Variants in BASP1 observed in about 807,000 individuals in gnomAD.
The protein encoded by BASP1 is brain acid soluble protein 1.
BASP1 carries 1 observed loss-of-function variant against 2.2 expected under a neutral mutation model. The ratio of observed to expected loss-of-function variants is 0.46; its 90% CI spans 0.16 to 2.17. The LOEUF (loss-of-function observed/expected upper bound fraction) is 2.17, where lower values mean the gene tolerates loss of function less well. BASP1 is among the 30% of genes most tolerant of loss of function. The probability of loss-of-function intolerance (pLI) is 0.27; values close to 1 mark genes in which losing one functional copy is unlikely to be tolerated. For synonymous variants in BASP1, 187 were observed against 154.2 expected (o/e 1.21, Z -1.58); for missense variants, 352 against 327.2 (o/e 1.08, Z -0.58).
At chr5:17,256,893 A>C (rs914062209) in intron 1 of BASP1, among the ~76,000 whole-genome samples, 3 of 152,202 alleles carry the variant, frequency 2.0e-5, no homozygotes, top group Non-Finnish European at 4.4e-5. Context: ...GGAAAAAAAA[A>C]TATTTCTAGG....
chr5:17,249,751 C>T (rs936801470), intron 1 of BASP1, among the ~76,000 whole-genome samples: 1 of 152,092 alleles, frequency 6.6e-6, no homozygotes, highest in Non-Finnish European at 1.5e-5. Flanking sequence ...GTTTATCTAT[C>T]TTTGCATCTT....
chr5:17,250,819 T>A (rs1239822589), intron 1 of BASP1, among the ~76,000 whole-genome samples: 1 of 152,116 alleles, frequency 6.6e-6, no homozygotes, highest in Admixed American at 6.5e-5. Flanking sequence ...TTAGCCAGGA[T>A]GGTCTCGATC....
intron 1 of BASP1, among the ~76,000 whole-genome samples, chr5:17,246,210 G>A (rs998562046): frequency 6.6e-5 from 10 of 152,134 alleles, no homozygotes; most frequent in Middle Eastern, 3.4e-3. Flanking sequence ...GGCCGGGCGC[G>A]GTGGCTCACG....
chr5:17,231,346 T>C (rs987614253), intron 1 of BASP1, among the ~76,000 whole-genome samples: 2 of 152,112 alleles, frequency 1.3e-5, no homozygotes, highest in African/African-American at 4.8e-5. Flanking sequence ...TCCCTCTACT[T>C]GAAGCCATTA....
At chr5:17,267,364 C>T (rs1740433538) in intron 1 of BASP1, among the ~76,000 whole-genome samples, 1 of 152,154 alleles carries the variant, frequency 6.6e-6, no homozygotes, top group Non-Finnish European at 1.5e-5. Context: ...TTTGAGATGT[C>T]TTCAGTGAGC....
upstream of BASP1, chr5:17,217,093 A>AGAGAGAGAGAGAGAGAGAGAGT: frequency 7.2e-6 from 1 of 139,558 alleles, no homozygotes; most frequent in South Asian, 2.4e-4. Flanking sequence ...AGAGAGAGAG[A>AGAGAGAGAGAGAGAGAGAGAGT]GAGTGAGTGA....
chr5:17,274,380 G>T (rs1337240825), intron 1 of BASP1, among the ~76,000 whole-genome samples: 1 of 152,114 alleles, frequency 6.6e-6, no homozygotes, highest in African/African-American at 2.4e-5. Flanking sequence ...TTGAAGATGT[G>T]TTTGCTGATA....
chr5:17,239,535 GTTA>G (rs1305759520), intron 1 of BASP1, among the ~76,000 whole-genome samples: 1 of 152,058 alleles, frequency 6.6e-6, no homozygotes, highest in Non-Finnish European at 1.5e-5. Flanking sequence ...CATATTTTTG[GTTA>G]TAACCGTTGA....
In BASP1 at chr5:17,275,857, C is replaced by A. The variant is rs146351088; in HGVS notation, c.641C>A (p.Ala214Asp). Residue 214 changes from alanine to aspartate, a missense_variant, in exon 2 of 2, where the codon GCC becomes GAC. Coordinates refer to ENST00000322611, the MANE Select transcript of BASP1 (RefSeq NM_006317.5). This position sits in a 1 kb window ranked among gnomAD's most constrained non-coding sequence, Gnocchi z 5.3. ...GCAGAAGAGCCCAAGCCGGTGGAGG[C>A]CCCGGCAGCTAATTCCGACCAAACC... ...ASAEEPKPVE[A>D]PAANSDQTVT... The A allele has an allele frequency of 1.9e-6, 3 of 1,602,862 alleles. No homozygotes were observed. In the Admixed American group the frequency reaches 5.2e-5, roughly 28 times the overall value.
intron 1 of BASP1, among the ~76,000 whole-genome samples, chr5:17,246,860 C>T (rs773386021): frequency 3.9e-5 from 6 of 152,182 alleles, no homozygotes; most frequent in Non-Finnish European, 7.3e-5. Flanking sequence ...TTGAGAATCA[C>T]CCTGCCTTCC....
At chr5:17,266,199 TAGA>T (rs1740412496) in intron 1 of BASP1, among the ~76,000 whole-genome samples, 1 of 152,196 alleles carries the variant, frequency 6.6e-6, no homozygotes, top group South Asian at 2.1e-4. Context: ...TGTCCTGCTA[TAGA>T]AGTTTAAGGA....
At chr5:17,245,121 A>G (rs1333675164) in intron 1 of BASP1, among the ~76,000 whole-genome samples, 1 of 151,458 alleles carries the variant, frequency 6.6e-6, no homozygotes, top group Non-Finnish European at 1.5e-5. Context: ...GACCAATATG[A>G]TGAAACCCCG....
At chr5:17,266,995 T>C (rs976314545) in intron 1 of BASP1, among the ~76,000 whole-genome samples, 1 of 152,234 alleles carries the variant, frequency 6.6e-6, no homozygotes, top group Admixed American at 6.5e-5. Context: ...CTTTTCCCAC[T>C]TTATTTTTCT....
chr5:17,261,328 A>G (rs1441836597), intron 1 of BASP1, among the ~76,000 whole-genome samples: 1 of 152,212 alleles, frequency 6.6e-6, no homozygotes, highest in Non-Finnish European at 1.5e-5. Context: ...TTTAGTGGTC[A>G]CTGTGGCAGT....
At chr5:17,248,781 T>TA (rs1554027642) in intron 1 of BASP1, among the ~76,000 whole-genome samples, 1 of 152,180 alleles carries the variant, frequency 6.6e-6, no homozygotes, top group Non-Finnish European at 1.5e-5. Context: ...CATAATCTCT[T>TA]AAAAAATATG....
At chr5:17,253,222 C>CT (rs34084558) in intron 1 of BASP1, among the ~76,000 whole-genome samples, 1 of 151,846 alleles carries the variant, frequency 6.6e-6, no homozygotes, top group African/African-American at 2.4e-5. Flanking sequence ...TTTGTATTTA[C>CT]TTTTTTAAGA....
In BASP1 at chr5:17,275,462, C is replaced by G. The variant is rs772455497; in HGVS notation, c.246C>G (p.Ala82=). 1 of 1,504,122 alleles carries G rather than the reference C, an allele frequency of 6.6e-7. No homozygotes were observed. The allele number at this position is 1,504,122 out of a possible 1,614,324, so 93.2% of individuals were successfully genotyped here. Residue 82 remains alanine, a synonymous_variant, in exon 2 of 2, where the codon GCC becomes GCG. Coordinates refer to ENST00000322611, the MANE Select transcript of BASP1 (RefSeq NM_006317.5). This position sits in a 1 kb window ranked among gnomAD's most constrained non-coding sequence, Gnocchi z 5.3. ...EKDAAAAKEE[A]PKAEPEKTEG... ...ACGCGGCGGCTGCCAAGGAGGAGGC[C>G]CCGAAGGCGGAGCCCGAGAAGACGG...
intron 1 of BASP1, among the ~76,000 whole-genome samples, chr5:17,222,514 A>T (rs1739410624): frequency 6.6e-6 from 1 of 152,206 alleles, no homozygotes; most frequent in African/African-American, 2.4e-5. Flanking sequence ...CTCAAGAGTA[A>T]AAATCAACCA....
Position 17,276,633 on chromosome 5 carries a change from G to GGAA in BASP1, c.*733_*734insGAA, listed in dbSNP as rs67037147. On this transcript the variant is annotated 3_prime_UTR_variant, in exon 2 of 2. Transcript: ENST00000322611. ...GTTCTGTTTATTGGTCAGTGGAAAT[G>GGAA]AAAAAAAAAAAAAAAAAAAGTCTGC... 1 of 104,660 alleles carries GGAA rather than the reference G, an allele frequency of 9.6e-6. No homozygotes were observed. Among genetic ancestry groups the GGAA allele is most frequent in the Non-Finnish European group, 1.8e-5 (1 of 55,652 alleles). 6.5% of individuals were successfully genotyped at this position (104,660 alleles called of 1,614,324 possible). A position where few individuals can be genotyped will look rare whatever the true frequency, so the allele number is the denominator to read the frequency against.
Sources: gnomAD v4.1 joint callset for allele counts (sites outside exome capture counted in the v4.1 genomes callset) on GRCh38, gnomAD v4.1.1 for gene constraint, Gnocchi (gnomAD v3.1) non-coding constraint, MANE v1.5 for transcripts, NCBI Gene and HGNC (gene_info 2026-07-23, HGNC 2026-07-21) for gene names.